CDC27: variants seen among roughly 807,000 people sequenced by gnomAD.
The protein encoded by CDC27 is cell division cycle protein 27 homolog.
Under a neutral mutation model 109.7 loss-of-function variants are expected in CDC27, and 27 were observed. The observed-to-expected ratio is 0.25, with a 90% CI of 0.18 to 0.34. The LOEUF (loss-of-function observed/expected upper bound fraction) is 0.34, where lower values mean the gene tolerates loss of function less well. Among genes scored for constraint, CDC27 ranks in the 10% least tolerant of loss-of-function variants. The probability of loss-of-function intolerance (pLI) is 1.00; values close to 1 mark genes in which losing one functional copy is unlikely to be tolerated. For synonymous variants in CDC27, 266 were observed against 333.9 expected (o/e 0.80, Z 2.22); for missense variants, 579 against 960.2 (o/e 0.60, Z 5.25).
chr17:47,142,077 G>T, intron 11 of CDC27, 52 bp from the exon 12 acceptor site: 1 of 1,358,252 alleles, frequency 7.4e-7, no homozygotes, highest in Non-Finnish European at 1.0e-6. Context: ...AAACTAGTCT[G>T]CTTCTCTAGA....
chr17:47,133,684 CGCCTCG>C (rs1008736753), intron 14 of CDC27, among the ~76,000 whole-genome samples: 12 of 150,814 alleles, frequency 8.0e-5, no homozygotes, highest in African/African-American at 2.4e-4. Context: ...GTGATCCGCC[CGCCTCG>C]GCCTCGGCCT....
intron 14 of CDC27, among the ~76,000 whole-genome samples, chr17:47,134,777 A>T (rs1257338236): frequency 1.4e-5 from 2 of 146,146 alleles, no homozygotes; most frequent in Non-Finnish European, 3.0e-5. Context: ...CCCGGCCTTA[A>T]TTGTTTTCTT....
intron 16 of CDC27, among the ~76,000 whole-genome samples, chr17:47,127,965 CA>C (rs1185225283): frequency 6.6e-6 from 1 of 151,846 alleles, no homozygotes; most frequent in Admixed American, 6.6e-5. Flanking sequence ...CCTCTTCCTC[CA>C]AAGTGACGGG....
intron 4 of CDC27, among the ~76,000 whole-genome samples, chr17:47,162,894 G>A (rs2063537160): frequency 1.3e-5 from 2 of 152,150 alleles, no homozygotes; most frequent in South Asian, 4.1e-4. Context: ...ATAGATATAT[G>A]TATAAATCAC....
chr17:47,156,486 C>T (rs540883820), intron 7 of CDC27, among the ~76,000 whole-genome samples: 4 of 151,608 alleles, frequency 2.6e-5, no homozygotes, highest in Non-Finnish European at 2.9e-5. Flanking sequence ...CTTGGTCTGT[C>T]GCCCAGGATG....
At chr17:47,182,857 G>T (rs191442983) in intron 1 of CDC27, among the ~76,000 whole-genome samples, 130 of 151,832 alleles carry the variant, frequency 8.6e-4, no homozygotes, top group African/African-American at 3.1e-3. Flanking sequence ...ATCTCCTGGG[G>T]TATATATTTA....
intron 13 of CDC27, among the ~76,000 whole-genome samples, chr17:47,137,650 T>G (rs1794675915): frequency 6.6e-6 from 1 of 152,210 alleles, no homozygotes; most frequent in Non-Finnish European, 1.5e-5. Context: ...TTAGCTCTCA[T>G]GCAGAGATGA....
intron 17 of CDC27, among the ~76,000 whole-genome samples, chr17:47,123,569 C>G (rs979044350): frequency 3.3e-5 from 5 of 151,876 alleles, no homozygotes; most frequent in African/African-American, 1.2e-4. Flanking sequence ...TGTCACCATG[C>G]CCAGCTAATT....
chr17:47,169,773 C>T (rs1379235922), intron 4 of CDC27, 144 bp downstream of exon 4: 2 of 498,518 alleles, frequency 4.0e-6, no homozygotes, highest in Non-Finnish European at 6.5e-6. Context: ...AGCATCTCTG[C>T]TATTTTAATA....
intron 16 of CDC27, among the ~76,000 whole-genome samples, chr17:47,125,119 A>G (rs957884158): frequency 6.6e-6 from 1 of 151,518 alleles, no homozygotes; most frequent in African/African-American, 2.4e-5. Context: ...GGGTTTCACT[A>G]AAGTTGCCCA....
intron 2 of CDC27, among the ~76,000 whole-genome samples, chr17:47,175,039 GAGGAAGGAAGGA>G (rs71138592): frequency 0.045 from 5,844 of 129,948 alleles, 173 homozygotes; most frequent in African/African-American, 0.089. Context: ...AAGAGAGAGA[GAGGAAGGAAGGA>G]AGGAAGGAAG....
intron 5 of CDC27, 28 bp from the exon 6 acceptor site, chr17:47,157,412 G>GT (rs1379102033): frequency 6.6e-7 from 1 of 1,506,908 alleles, no homozygotes; most frequent in South Asian, 1.2e-5. Context: ...AAAAAAGTTT[G>GT]TCTCTGAGGA....
In CDC27 at chr17:47,142,446, GGAA is replaced by G; in HGVS notation, c.1171-13_1171-11del. 7.8e-7 allele frequency: 1 copy of G among 1,289,774 alleles called. No individual in the cohort carries two copies. The highest frequency in any genetic ancestry group is 1.1e-6 in the Non-Finnish European group (1 of 916,854). The allele number at this position is 1,289,774 out of a possible 1,614,324, so 79.9% of individuals were successfully genotyped here. A position where few individuals can be genotyped will look rare whatever the true frequency, so the allele number is the denominator to read the frequency against. On this transcript the variant is annotated splice_polypyrimidine_tract_variant and intron_variant, in intron 10 of 18. Coordinates refer to ENST00000066544, the MANE Select transcript of CDC27 (RefSeq NM_001256.6). ...ATTTTTTGCTATTCTCCTGTAAAAG[GGAA>G]GAAATTTCACACCTGTTATACTCAT...
At chr17:47,156,889 T>G in intron 7 of CDC27, 24 bp downstream of exon 7, 1 of 823,860 alleles carries the variant, frequency 1.2e-6, no homozygotes, top group Non-Finnish European at 1.9e-6. Context: ...TATAGCACAT[T>G]TGAAAGTATC....
chr17:47,134,217 G>A (rs1044651969), intron 14 of CDC27, among the ~76,000 whole-genome samples: 1 of 151,398 alleles, frequency 6.6e-6, no homozygotes, highest in Non-Finnish European at 1.5e-5. Context: ...ATTTTAAAGA[G>A]TCACTTTTAC....
At chr17:47,163,164 C>T (rs988214451) in intron 4 of CDC27, among the ~76,000 whole-genome samples, 3 of 152,022 alleles carry the variant, frequency 2.0e-5, no homozygotes, top group Non-Finnish European at 4.4e-5. Flanking sequence ...ATTTAGGAAT[C>T]AGACTTAGTA....
chr17:47,142,804 G>A (rs527948231), intron 10 of CDC27, among the ~76,000 whole-genome samples: 8 of 152,186 alleles, frequency 5.3e-5, no homozygotes, highest in South Asian at 4.1e-4. Flanking sequence ...TCAGCCTCCC[G>A]CGTAACTGAG....
At chr17:47,142,090 A>G (rs1323929389) in intron 11 of CDC27, 65 bp from the exon 12 acceptor site, 25 of 1,290,052 alleles carry the variant, frequency 1.9e-5, no homozygotes, top group Admixed American at 4.9e-5. Context: ...TCTCTAGAAA[A>G]GGTAATTACA....
chr17:47,125,747 T>G (rs987292488), intron 16 of CDC27, among the ~76,000 whole-genome samples: 2 of 151,774 alleles, frequency 1.3e-5, no homozygotes, highest in Non-Finnish European at 2.9e-5. Flanking sequence ...TTTCACCATG[T>G]TGGCCAGGCT....
Sources: gnomAD v4.1 joint callset for allele counts (sites outside exome capture counted in the v4.1 genomes callset) on GRCh38, gnomAD v4.1.1 for gene constraint, MANE v1.5 for transcripts, NCBI Gene and HGNC (gene_info 2026-07-23, HGNC 2026-07-21) for gene names.